Variants in TTLL5 observed in about 807,000 individuals in gnomAD.
The protein encoded by TTLL5 is tubulin polyglutamylase TTLL5.
A neutral mutation model predicts 168.4 loss-of-function variants in TTLL5; 132 were observed. The ratio of observed to expected loss-of-function variants is 0.78; its 90% CI spans 0.68 to 0.91. TTLL5 has a LOEUF of 0.91. TTLL5 is among the 40% of genes least tolerant of loss of function. TTLL5 has a pLI of 0.00. For synonymous variants in TTLL5, 546 were observed against 558.6 expected, an observed-to-expected ratio of 0.98 and a Z score of 0.32; for missense variants, 1,545 against 1,581.5, an observed-to-expected ratio of 0.98 and a Z score of 0.39.
At position 75,954,673 on chromosome 14, in the gene TTLL5, G is replaced by T; in HGVS notation, c.*227G>T. On this transcript the variant is annotated 3_prime_UTR_variant, in exon 32 of 32. Transcript: ENST00000298832. ...TTCTGGGTTTTGATGGAACTTGGCA[G>T]TGGGGACATTCAGCTGATGCATTAT... The T allele has an allele frequency of 1.7e-6, 1 of 590,206 alleles. No homozygotes were observed. The highest frequency in any genetic ancestry group is 3.0e-6 in the Non-Finnish European group (1 of 331,648). 36.6% of individuals were successfully genotyped at this position (590,206 alleles called of 1,614,324 possible).
chr14:75,682,623 G>T (rs1409008389), intron 4 of TTLL5, among the ~76,000 whole-genome samples: 1 of 152,074 alleles, frequency 6.6e-6, no homozygotes, highest in African/African-American at 2.4e-5. Flanking sequence ...AAAGAAAGTT[G>T]GAAGATTGGA....
chr14:75,931,614 G>C (rs1318352905), intron 31 of TTLL5, among the ~76,000 whole-genome samples: 1 of 152,078 alleles, frequency 6.6e-6, no homozygotes, highest in Admixed American at 6.6e-5. Context: ...TGACTATGAT[G>C]CTTCCCCACT....
intron 31 of TTLL5, among the ~76,000 whole-genome samples, chr14:75,920,124 GCAACAA>G (rs112924591): frequency 3.3e-5 from 5 of 150,882 alleles, no homozygotes; most frequent in Non-Finnish European, 5.9e-5. Context: ...TGTCTCAAAA[GCAACAA>G]CAACAACAAC....
intron 31 of TTLL5, among the ~76,000 whole-genome samples, chr14:75,940,227 C>G (rs1049258820): frequency 6.6e-6 from 1 of 151,798 alleles, no homozygotes; most frequent in African/African-American, 2.4e-5. Flanking sequence ...TACAGGCACC[C>G]GCTACCAAGC....
rs374428308 is a variant in TTLL5 at position 75,735,298 on chromosome 14, A to C, written c.1281+9A>C. ...CTTTCCAGAAACCTCAGGTAAGCCA[A>C]TTCCACAGCAGGGAGCCTGAAGGAG... On this transcript the variant is annotated intron_variant, in intron 15 of 31. Coordinates refer to ENST00000298832, the MANE Select transcript of TTLL5 (RefSeq NM_015072.5). The C allele has an allele frequency of 3.1e-6, 5 of 1,613,948 alleles. No homozygotes were observed. The Admixed American group carries it at 8.3e-5, about 27-fold the overall frequency.
At chr14:75,841,481 A>T (rs1313385862) in intron 28 of TTLL5, among the ~76,000 whole-genome samples, 1 of 152,108 alleles carries the variant, frequency 6.6e-6, no homozygotes, top group Non-Finnish European at 1.5e-5. Flanking sequence ...TCTTAGAGTC[A>T]TTATTTCTTC....
chr14:75,771,288 G>A (rs1891295097), intron 20 of TTLL5, among the ~76,000 whole-genome samples: 1 of 152,140 alleles, frequency 6.6e-6, no homozygotes, highest in African/African-American at 2.4e-5. Context: ...TTAGCTGGGT[G>A]TGATGGTGTG....
intron 28 of TTLL5, among the ~76,000 whole-genome samples, chr14:75,859,666 GA>G (rs1897308621): frequency 6.6e-6 from 1 of 152,010 alleles, no homozygotes; most frequent in African/African-American, 2.4e-5. Context: ...GGTAGGAGTA[GA>G]AAAAACATTA....
chr14:75,792,110 A>G (rs892701080), intron 26 of TTLL5, among the ~76,000 whole-genome samples: 7 of 151,558 alleles, frequency 4.6e-5, no homozygotes, highest in Non-Finnish European at 1.0e-4. Flanking sequence ...TCTTTTTGCC[A>G]GAATTTCAGT....
intron 31 of TTLL5, among the ~76,000 whole-genome samples, chr14:75,909,128 CGA>C (rs1232859507): frequency 6.6e-6 from 1 of 151,566 alleles, no homozygotes; most frequent in African/African-American, 2.4e-5. Flanking sequence ...CAGGCCCAGG[CGA>C]GAGAGTGCCT....
chr14:75,725,208 T>C (rs1410784307), intron 12 of TTLL5, among the ~76,000 whole-genome samples: 1 of 152,224 alleles, frequency 6.6e-6, no homozygotes. Context: ...GAGGTTCTTA[T>C]AGGGAGGATG....
At chr14:75,675,620 C>T (rs1884082729) in intron 3 of TTLL5, among the ~76,000 whole-genome samples, 2 of 152,176 alleles carry the variant, frequency 1.3e-5, no homozygotes, top group Non-Finnish European at 2.9e-5. Context: ...CATGCTCTGC[C>T]TCATGTTTTT....
intron 28 of TTLL5, among the ~76,000 whole-genome samples, chr14:75,822,586 A>G (rs1217916071): frequency 6.6e-6 from 1 of 152,206 alleles, no homozygotes; most frequent in African/African-American, 2.4e-5. Flanking sequence ...ATGTCAGAGA[A>G]TTCACTGACT....
At chr14:75,869,006 G>A (rs1382258192) in intron 29 of TTLL5, among the ~76,000 whole-genome samples, 2 of 147,836 alleles carry the variant, frequency 1.4e-5, no homozygotes, top group Non-Finnish European at 3.0e-5. Context: ...GGACATGAGA[G>A]GGGAGGAGTG....
intron 28 of TTLL5, among the ~76,000 whole-genome samples, chr14:75,847,028 G>A (rs556281517): frequency 2.0e-4 from 30 of 151,896 alleles, no homozygotes; most frequent in African/African-American, 6.8e-4. Context: ...TTGAGAGGGG[G>A]TCTTGCTCTG....
chr14:75,803,589 T>A (rs1162079604), intron 27 of TTLL5, among the ~76,000 whole-genome samples: 1 of 152,182 alleles, frequency 6.6e-6, no homozygotes, highest in Non-Finnish European at 1.5e-5. Context: ...CAAATTTAAT[T>A]CTTTCCCTTG....
At chr14:75,913,819 G>C (rs1314476161) in intron 31 of TTLL5, among the ~76,000 whole-genome samples, 1 of 151,378 alleles carries the variant, frequency 6.6e-6, no homozygotes, top group East Asian at 1.9e-4. Flanking sequence ...TTCAAGACCA[G>C]CGTGGCCAAC....
intron 31 of TTLL5, among the ~76,000 whole-genome samples, chr14:75,949,666 T>C (rs1049965202): frequency 2.0e-5 from 3 of 151,598 alleles, no homozygotes; most frequent in Non-Finnish European, 4.4e-5. Flanking sequence ...CTGGGCAACA[T>C]GGCAAACCCC....
rs531079373 is a variant in TTLL5, at chr14:75,864,130, G to T, written c.3522+268G>T. ...CTTCTATACAAAAATCTCTATTGTG[G>T]TGTTTACCCTTTCTGTTGTATGATC... On this transcript the variant is annotated intron_variant, in intron 29 of 31. Coordinates refer to ENST00000298832, the MANE Select transcript of TTLL5 (RefSeq NM_015072.5). Among the ~76,000 whole-genome samples, 4 of 152,076 alleles carry T rather than the reference G, an allele frequency of 2.6e-5. No individual in the cohort carries two copies. In the East Asian group the frequency reaches 7.7e-4, roughly 29 times the overall value.
Sources: gnomAD v4.1 joint callset for allele counts (sites outside exome capture counted in the v4.1 genomes callset) on GRCh38, gnomAD v4.1.1 for gene constraint, MANE v1.5 for transcripts, NCBI Gene and HGNC (gene_info 2026-07-23, HGNC 2026-07-21) for gene names.